The following CRIP2 variants were observed in gnomAD, a reference collection of about 807,000 sequenced individuals.
CRIP2 encodes cysteine rich protein 2.
Under a neutral mutation model 31.3 loss-of-function variants are expected in CRIP2, and 31 were observed. That is an observed-to-expected ratio of 0.99 (90% confidence interval 0.74 to 1.34). The LOEUF (loss-of-function observed/expected upper bound fraction) is 1.34. CRIP2 is among the 40% of genes most tolerant of loss of function. CRIP2 has a pLI of 0.00. For missense variants in CRIP2, 389 were observed against 301.6 expected (o/e 1.29, Z -2.15); for synonymous variants, 177 against 127.2 (o/e 1.39, Z -2.63).
upstream of CRIP2, chr14:105,474,348 G>C (rs1396569003): frequency 1.3e-5 from 2 of 151,890 alleles, no homozygotes; most frequent in East Asian, 3.9e-4. This position sits in a 1 kb window ranked among gnomAD's most constrained non-coding sequence, Gnocchi z 5.1. Flanking sequence ...AAGCGGGACA[G>C]GCGCCGCGCG....
At position 105,474,970 on chromosome 14, in the gene CRIP2, C is replaced by G; in HGVS notation, c.43+65C>G. The G allele has an allele frequency of 7.1e-7, 1 of 1,406,072 alleles. No individual in the cohort carries two copies. The highest frequency in any genetic ancestry group is 1.5e-5 in the South Asian group (1 of 67,082). 87.1% of individuals were successfully genotyped at this position (1,406,072 alleles called of 1,614,324 possible). A position where few individuals can be genotyped will look rare whatever the true frequency, so the allele number is the denominator to read the frequency against. ...GCCGCCCTTCGCGGCCAGTCCCGCG[C>G]CGCAGAGCCGCGGCGTAACTCGGGG... On this transcript the variant is annotated intron_variant, in intron 1 of 7. Transcript: ENST00000329146. The surrounding 1 kb of genome is among the most constrained non-coding windows in gnomAD (Gnocchi z 5.1).
At position 105,478,804 on chromosome 14, in the gene CRIP2, C is replaced by G; in HGVS notation, c.270C>G (p.Pro90=). The change falls in exon 4 of 8, where the codon CCC becomes CCG. Residue 90 remains proline, a synonymous_variant. Transcript: ENST00000329146. The surrounding 1 kb of genome is among the most constrained non-coding windows in gnomAD (Gnocchi z 4.9). ...PLAEGPQVTG[P]IEVPAARAEE... is the part of the protein sequence containing the mutation. The stretch of plus-strand genomic sequence containing the variant: ...CGGAGGGGCCGCAGGTCACCGGCCC[C>G]ATCGAGGTCCCCGCGGCCCGAGCAG... The G allele has an allele frequency of 1.4e-6, 2 of 1,431,460 alleles. No homozygotes were observed. The highest frequency in any genetic ancestry group is 3.0e-5 in the South Asian group (2 of 67,142). 88.7% of individuals were successfully genotyped at this position (1,431,460 alleles called of 1,614,324 possible).
At chr14:105,475,931 G>C in intron 1 of CRIP2, 3 of 985,524 alleles carry the variant, frequency 3.0e-6, no homozygotes, top group Middle Eastern at 5.2e-4. Context: ...ATGCGGCCAG[G>C]CTGCAGGGAA....
upstream of CRIP2, chr14:105,473,001 G>A (rs1397722793): frequency 1.7e-6 from 1 of 600,758 alleles, no homozygotes; most frequent in Non-Finnish European, 2.9e-6. Context: ...CTCCAGAAGA[G>A]CCCTGTGTTC....
chr14:105,474,827 C>T lies in CRIP2; in HGVS notation c.-36C>T, dbSNP rs1478858747. On this transcript the variant is annotated 5_prime_UTR_variant, in exon 1 of 8. In the 5' UTR this introduces an upstream ATG that the reference lacks. Transcript: ENST00000329146. The surrounding 1 kb of genome is among the most constrained non-coding windows in gnomAD (Gnocchi z 5.1). Reference sequence around the variant, plus strand: ...CGGGCGGCGGCGGCCCGGAGGAGAACGGGCGGAGGGCGCGGGCCGACCGGG... The same window carrying T: ...CGGGCGGCGGCGGCCCGGAGGAGAATGGGCGGAGGGCGCGGGCCGACCGGG... The T allele has an allele frequency of 3.5e-6, 5 of 1,410,942 alleles. No individual in the cohort carries two copies. The highest frequency in any genetic ancestry group is 6.5e-5 in the East Asian group (2 of 30,684). 87.4% of individuals were successfully genotyped at this position (1,410,942 alleles called of 1,614,324 possible).
Position 105,478,233 on chromosome 14 carries a change from G to T in CRIP2, c.44-33G>T. On this transcript the variant is annotated intron_variant, in intron 1 of 7. Transcript: ENST00000329146. This position sits in a 1 kb window ranked among gnomAD's most constrained non-coding sequence, Gnocchi z 4.9. ...GCGGAGGGGGTGCGGGGCGCGCCCC[G>T]GCCCTGACCCCCCTGCCGCCCCTCC... 7.0e-7 allele frequency: 1 copy of T among 1,433,476 alleles called. No homozygotes were observed. The highest frequency in any genetic ancestry group is 1.3e-5 in the South Asian group (1 of 77,578). The allele number at this position is 1,433,476 out of a possible 1,614,324, so 88.8% of individuals were successfully genotyped here. A position where few individuals can be genotyped will look rare whatever the true frequency, so the allele number is the denominator to read the frequency against.
rs373608223 is a variant in CRIP2, at chr14:105,478,512, G to C, written c.196+5G>C. On this transcript the variant is annotated splice_donor_5th_base_variant and intron_variant, in intron 3 of 7. Coordinates refer to ENST00000329146, the MANE Select transcript of CRIP2 (RefSeq NM_001312.4). This position sits in a 1 kb window ranked among gnomAD's most constrained non-coding sequence, Gnocchi z 4.9. ...CCACCCTGTTCGGACCCAAAGGTGA[G>C]CTCCGGCTGCCCTCGGCCTGCCCTG... 5.6e-6 allele frequency: 9 copies of C among 1,607,728 alleles called. No homozygotes were observed. The highest frequency in any genetic ancestry group is 3.3e-5 in the Admixed American group (2 of 59,728).
rs1555437031 is a variant in CRIP2 at position 105,479,806 on chromosome 14, ATGCC to A, written c.*154_*157del. ...GAGGGGCAGCCACGGGCAGAGCACC[ATGCC>A]CATCCCCGAGTCTCTGGTGTGTCTG... On this transcript the variant is annotated 3_prime_UTR_variant, in exon 8 of 8. Transcript: ENST00000329146. 2.7e-5 allele frequency: 21 copies of A among 775,988 alleles called. No individual in the cohort carries two copies. The Admixed American group carries it at 4.5e-4, about 17-fold the overall frequency. The allele number at this position is 775,988 out of a possible 1,614,324, so 48.1% of individuals were successfully genotyped here. A position where few individuals can be genotyped will look rare whatever the true frequency, so the allele number is the denominator to read the frequency against.
rs587659081 is a variant in CRIP2 at position 105,480,037 on chromosome 14, C to T, written c.*384C>T. 1.3e-5 allele frequency: 3 copies of T among 232,216 alleles called. No individual in the cohort carries two copies. In the South Asian group the frequency reaches 1.9e-4, roughly 15 times the overall value. The allele number at this position is 232,216 out of a possible 1,614,324, so 14.4% of individuals were successfully genotyped here. A position where few individuals can be genotyped will look rare whatever the true frequency, so the allele number is the denominator to read the frequency against. On this transcript the variant is annotated 3_prime_UTR_variant, in exon 8 of 8. Coordinates refer to ENST00000329146, the MANE Select transcript of CRIP2 (RefSeq NM_001312.4). Reference sequence around the variant, plus strand: ...TGATGGCCACGCCCTCACCATGTCCCTGGCAGAGGGCTTCCCTCCGGGATC... The same window carrying T: ...TGATGGCCACGCCCTCACCATGTCCTTGGCAGAGGGCTTCCCTCCGGGATC...
At chr14:105,475,753 C>T (rs2083918808) in intron 1 of CRIP2, 4 of 918,470 alleles carry the variant, frequency 4.4e-6, no homozygotes, top group Non-Finnish European at 5.2e-6. Context: ...CTGGGTGCGC[C>T]CTTCCTACCC....
At chr14:105,475,873 G>GA in intron 1 of CRIP2, 1 of 985,522 alleles carries the variant, frequency 1.0e-6, no homozygotes, top group Non-Finnish European at 1.2e-6. Flanking sequence ...AAGCAGAGAG[G>GA]AGGGCCGGGA....
Position 105,478,130 on chromosome 14 carries a change from G to C in CRIP2, c.44-136G>C. On this transcript the variant is annotated intron_variant, in intron 1 of 7. Coordinates refer to ENST00000329146, the MANE Select transcript of CRIP2 (RefSeq NM_001312.4). The surrounding 1 kb of genome is among the most constrained non-coding windows in gnomAD (Gnocchi z 4.9). ...CAGAAGGAGGGGCAGGGCCCGCCAG[G>C]TGGAAGGAAGGCGCCTGGGAGACCT... 1.5e-6 allele frequency: 1 copy of C among 660,696 alleles called. No individual in the cohort carries two copies. 40.9% of individuals were successfully genotyped at this position (660,696 alleles called of 1,614,324 possible).
chr14:105,478,676 C>A lies in CRIP2; in HGVS notation c.197-55C>A. The A allele has an allele frequency of 6.9e-7, 1 of 1,449,794 alleles. No individual in the cohort carries two copies. Among genetic ancestry groups the A allele is most frequent in the South Asian group, 1.4e-5 (1 of 71,818 alleles). The allele number at this position is 1,449,794 out of a possible 1,614,324, so 89.8% of individuals were successfully genotyped here. Reference sequence around the variant, plus strand: ...CCAGCGGGCCGTTTTCTGAGATGCCCGGTGGCCGCGGCCCCCACCCCACGT... The same window carrying A: ...CCAGCGGGCCGTTTTCTGAGATGCCAGGTGGCCGCGGCCCCCACCCCACGT... On this transcript the variant is annotated intron_variant, in intron 3 of 7. Transcript: ENST00000329146. The surrounding 1 kb of genome is among the most constrained non-coding windows in gnomAD (Gnocchi z 4.9).
intron 1 of CRIP2, chr14:105,476,389 C>T (rs1555435817): frequency 1.0e-6 from 1 of 985,372 alleles, no homozygotes; most frequent in Non-Finnish European, 1.2e-6. Flanking sequence ...CCCACCCTCA[C>T]ACCAGGCTGC....
chr14:105,479,386 G>GGT, intron 6 of CRIP2, 50 bp from the exon 7 acceptor site: 1 of 1,609,262 alleles, frequency 6.2e-7, no homozygotes, highest in East Asian at 2.2e-5. Context: ...CCAGGTGATG[G>GGT]GTCGGGGGAG....
At position 105,478,490 on chromosome 14, in the gene CRIP2, C is replaced by T. The variant is rs139312021; in HGVS notation, c.179C>T (p.Thr60Ile). 1.2e-6 allele frequency: 2 copies of T among 1,609,038 alleles called. No individual in the cohort carries two copies. The highest frequency in any genetic ancestry group is 1.7e-6 in the Non-Finnish European group (2 of 1,179,116). ...KPFCHKPCYA[T>I]LFGPKGVNIG... ...TTCTGCCACAAGCCGTGCTACGCCA[C>T]CCTGTTCGGACCCAAAGGTGAGCTC... The change falls in exon 3 of 8, where the codon ACC (threonine) becomes ATC (isoleucine). Residue 60 changes from threonine (T) to isoleucine (I), a missense_variant. Coordinates refer to ENST00000329146, the MANE Select transcript of CRIP2 (RefSeq NM_001312.4). This position sits in a 1 kb window ranked among gnomAD's most constrained non-coding sequence, Gnocchi z 4.9.
rs1555436299 is a variant in CRIP2, at chr14:105,478,175, G to T, written c.44-91G>T. The T allele has an allele frequency of 9.5e-7, 1 of 1,047,774 alleles. No individual in the cohort carries two copies. Among genetic ancestry groups the T allele is most frequent in the African/African-American group, 1.7e-5 (1 of 58,744 alleles). 64.9% of individuals were successfully genotyped at this position (1,047,774 alleles called of 1,614,324 possible). A position where few individuals can be genotyped will look rare whatever the true frequency, so the allele number is the denominator to read the frequency against. On this transcript the variant is annotated intron_variant, in intron 1 of 7. Coordinates refer to ENST00000329146, the MANE Select transcript of CRIP2 (RefSeq NM_001312.4). This position sits in a 1 kb window ranked among gnomAD's most constrained non-coding sequence, Gnocchi z 4.9. ...AGACCTCCTGAAAGTGGGGACCCCC[G>T]GAGCGCGTGGGGGTGGTGGCTGCCA... is the stretch of plus-strand genomic sequence containing the variant.
At position 105,474,931 on chromosome 14, in the gene CRIP2, G is replaced by A; in HGVS notation, c.43+26G>A. On this transcript the variant is annotated intron_variant, in intron 1 of 7. Transcript: ENST00000329146. This position sits in a 1 kb window ranked among gnomAD's most constrained non-coding sequence, Gnocchi z 5.1. ...GTGAGTGCGTGCCCGCTCCCGGCCC[G>A]CTCGGTGCATCCCGCCGCCCTTCGC... 1 of 1,495,594 alleles carries A rather than the reference G, an allele frequency of 6.7e-7. No individual in the cohort carries two copies. Among genetic ancestry groups the A allele is most frequent in the Non-Finnish European group, 8.9e-7 (1 of 1,121,256 alleles). The allele number at this position is 1,495,594 out of a possible 1,614,324, so 92.6% of individuals were successfully genotyped here.
chr14:105,477,282 G>T (rs1367776985), intron 1 of CRIP2: 1 of 985,474 alleles, frequency 1.0e-6, no homozygotes, highest in African/African-American at 1.7e-5. Context: ...GGAGGCAGTG[G>T]CAGAGGGTCC....
Sources: allele counts gnomAD v4.1 joint callset, GRCh38; gene constraint gnomAD v4.1.1; non-coding constraint Gnocchi (gnomAD v3.1); transcripts MANE v1.5; gene names NCBI Gene and HGNC (gene_info 2026-07-23, HGNC 2026-07-21).